Variants in SUN5 observed in about 807,000 individuals in gnomAD.
SUN5 encodes the protein Sad1 and UNC84 domain containing 5.
SUN5 carries 44 observed loss-of-function variants against 53.7 expected under a neutral mutation model. The observed-to-expected ratio is 0.82, with a 90% confidence interval of 0.64 to 1.05. The LOEUF (loss-of-function observed/expected upper bound fraction) is 1.05, where lower values mean the gene tolerates loss of function less well. SUN5 is among the 50% of genes least tolerant of loss of function. SUN5 has a pLI of 0.00. For synonymous variants in SUN5, 166 were observed against 179.8 expected (o/e 0.92, Z 0.62); for missense variants, 433 against 483.8 (o/e 0.90, Z 0.98).
chr20:33,000,272 T>C, intron 4 of SUN5, 137 bp from the exon 5 acceptor site: 1 of 1,074,844 alleles, frequency 9.3e-7, no homozygotes, highest in Non-Finnish European at 1.3e-6. Context: ...AACGTGTCCT[T>C]CAGGATTCAG....
chr20:33,000,240 A>G, intron 4 of SUN5, 105 bp from the exon 5 acceptor site: 4 of 1,348,308 alleles, frequency 3.0e-6, no homozygotes, highest in South Asian at 3.0e-5. Flanking sequence ...TGTTTGCCCT[A>G]TCCCTTCTTC....
chr20:32,985,417 C>T (rs1246706893), intron 11 of SUN5, among the ~76,000 whole-genome samples: 4 of 152,138 alleles, frequency 2.6e-5, no homozygotes, highest in Non-Finnish European at 5.9e-5. Context: ...GGGTGTTTCC[C>T]TGATCCTTCT....
At chr20:32,987,833 C>A in intron 9 of SUN5, 58 bp from the exon 10 acceptor site, 1 of 1,402,626 alleles carries the variant, frequency 7.1e-7, no homozygotes, top group Non-Finnish European at 9.9e-7. Flanking sequence ...GTGGAGGGGA[C>A]GCCACTGATG....
Position 33,001,519 on chromosome 20 carries a change from CTTCTTTCTTTCTTTCT to C in SUN5, c.212-257_212-242del, listed in dbSNP as rs112468655. 7.4e-5 allele frequency among the ~76,000 whole-genome samples: 9 copies of C among 121,320 alleles called. No individual in the cohort carries two copies. In the South Asian group the frequency reaches 7.6e-4, roughly 10 times the overall value. 79.6% of individuals were successfully genotyped at this position (121,320 alleles called of 152,430 possible). A position where few individuals can be genotyped will look rare whatever the true frequency, so the allele number is the denominator to read the frequency against. On this transcript the variant is annotated intron_variant, in intron 3 of 12. Transcript: ENST00000356173. ...CAGTTAACAGACATTTTCTTTCTTT[CTTCTTTCTTTCTTTCT>C]TTCTTTCTTTCTTTCTTTCTTTCTT...
intron 12 of SUN5, 86 bp from the exon 13 acceptor site, chr20:32,984,035 C>T: frequency 1.4e-6 from 2 of 1,432,204 alleles, no homozygotes; most frequent in South Asian, 1.7e-5. Context: ...GGAAGTTTCC[C>T]ATTTCATAGG....
rs1990079734 is a variant in SUN5 at position 33,002,625 on chromosome 20, T to C, written c.173A>G (p.Gln58Arg). 8 of 1,614,088 alleles carry C rather than the reference T, an allele frequency of 5.0e-6. No homozygotes were observed. The East Asian group carries it at 1.8e-4, about 36-fold the overall frequency. ...CATGCACTGAGTCAGGCCTAGGGCT[T>C]GGTCATTGTTGCGGACAGGCAACAG... The part of the protein sequence containing the change: ...NILLPVRNND[Q>R]ALGLTQCMLG... The change falls in exon 3 of 13, where the codon CAA (glutamine) becomes CGA (arginine). Residue 58 changes from glutamine (Q) to arginine (R), a missense_variant. Physicochemically the swap from Gln to Arg is conservative, Grantham distance 43 (BLOSUM62 1). Transcript: ENST00000356173.
chr20:32,991,253 C>T (rs1989704595), intron 8 of SUN5, among the ~76,000 whole-genome samples: 1 of 152,174 alleles, frequency 6.6e-6, no homozygotes, highest in Admixed American at 6.5e-5. Flanking sequence ...CCTGGATCCC[C>T]AGCACGCAGT....
Position 32,985,805 on chromosome 20 carries a change from C to T in SUN5, c.828G>A (p.Leu276=). ...AQKVYLSNLT[L]QHIPKTISLS... is the part of the protein sequence containing the mutation. Reference sequence around the variant, plus strand: ...ATGAGATGGTCTTGGGGATGTGCTGCAGCGTGAGGTTGGACAGGTAAACCT... The same window carrying T: ...ATGAGATGGTCTTGGGGATGTGCTGTAGCGTGAGGTTGGACAGGTAAACCT... Residue 276 remains leucine (L), a synonymous_variant, in exon 11 of 13, where the codon CTG becomes CTA. Coordinates refer to ENST00000356173, the MANE Select transcript of SUN5 (RefSeq NM_080675.4). 1 of 1,614,150 alleles carries T rather than the reference C, an allele frequency of 6.2e-7. No individual in the cohort carries two copies. The highest frequency in any genetic ancestry group is 8.5e-7 in the Non-Finnish European group (1 of 1,179,988).
chr20:33,000,113 G>C lies in SUN5; in HGVS notation c.301C>G (p.Leu101Val). The change falls in exon 5 of 13, where the codon CTC becomes GTC. Residue 101 changes from leucine (L) to valine (V), a missense_variant. Leu to Val is a conservative substitution (Grantham distance 32). Transcript: ENST00000356173. ...TCRCKLLCQK[L>V]MEKTGILLLC... is the part of the protein sequence containing the mutation. Reference sequence around the variant, plus strand: ...AGCAGAATGCCTGTCTTCTCCATGAGCTTCTGGCACAGCAGCTTGCATCTG... The same window carrying C: ...AGCAGAATGCCTGTCTTCTCCATGACCTTCTGGCACAGCAGCTTGCATCTG... 21 of 1,607,264 alleles carry C rather than the reference G, an allele frequency of 1.3e-5. No individual in the cohort carries two copies. Among genetic ancestry groups the C allele is most frequent in the Non-Finnish European group, 1.8e-5 (21 of 1,177,870 alleles).
At chr20:32,987,021 T>C (rs1242958155) in intron 10 of SUN5, among the ~76,000 whole-genome samples, 2 of 152,140 alleles carry the variant, frequency 1.3e-5, no homozygotes, top group African/African-American at 2.4e-5. Context: ...CACGGATGAG[T>C]GGCCTGTGAC....
Position 32,995,757 on chromosome 20 carries a change from G to C in SUN5, c.426-30C>G. 1.9e-6 allele frequency: 3 copies of C among 1,597,218 alleles called. No homozygotes were observed. In the African/African-American group the frequency reaches 4.0e-5, roughly 21 times the overall value. On this transcript the variant is annotated intron_variant, in intron 7 of 12. Coordinates refer to ENST00000356173, the MANE Select transcript of SUN5 (RefSeq NM_080675.4). ...TCAGGAAGGAGTGATAACAAGAACA[G>C]GTTGATTTGTGATGCGTTGTTGTTA...
intron 8 of SUN5, among the ~76,000 whole-genome samples, chr20:32,992,645 T>C (rs1054311194): frequency 3.3e-5 from 5 of 151,934 alleles, no homozygotes; most frequent in African/African-American, 9.7e-5. Flanking sequence ...CCATTGAGAG[T>C]GAAAAGCCAC....
At position 33,004,296 on chromosome 20, in the gene SUN5, G is replaced by C. The variant is rs768675300; in HGVS notation, c.45C>G (p.Leu15=). 1.3e-6 allele frequency: 2 copies of C among 1,579,768 alleles called. No homozygotes were observed. The highest frequency in any genetic ancestry group is 2.3e-5 in the East Asian group (1 of 43,294). ...SRSPGDPGAL[L]EDVAHNPRPR... is the part of the protein sequence containing the mutation. ...GTCTGGGATTGTGGGCCACATCTTC[G>C]AGTAGGGCGCCTGGGTCCCCAGGGC... The change falls in exon 1 of 13, where the codon CTC becomes CTG. Residue 15 remains leucine, a synonymous_variant. Coordinates refer to ENST00000356173, the MANE Select transcript of SUN5 (RefSeq NM_080675.4).
rs923192817 is a variant in SUN5 at position 32,996,367 on chromosome 20, G to C, written c.391-9C>G. ...CCATTTATGCTGTCATCCTGGTGGA[G>C]TATTGAGAAAGTAAGGGGTCTCCTT... On this transcript the variant is annotated splice_polypyrimidine_tract_variant and intron_variant, in intron 6 of 12. Transcript: ENST00000356173. 3.7e-6 allele frequency: 6 copies of C among 1,612,524 alleles called. No individual in the cohort carries two copies. The African/African-American group carries it at 8.0e-5, about 22-fold the overall frequency.
intron 12 of SUN5, 30 bp from the exon 13 acceptor site, chr20:32,983,979 C>A: frequency 6.6e-7 from 1 of 1,512,134 alleles, no homozygotes. Context: ...AGAGGCAGCT[C>A]ACCCATAGAC....
chr20:32,985,830 T>C lies in SUN5; in HGVS notation c.803A>G (p.Lys268Arg), dbSNP rs768834384. The C allele has an allele frequency of 1.4e-5, 22 of 1,614,034 alleles. No individual in the cohort carries two copies. The highest frequency in any genetic ancestry group is 2.7e-5 in the African/African-American group (2 of 74,918). Residue 268 changes from lysine (K) to arginine (R), a missense_variant, in exon 11 of 13, where the codon AAG becomes AGG. Physicochemically the swap from Lys to Arg is conservative, Grantham distance 26. Transcript: ENST00000356173. ...CAGCGTGAGGTTGGACAGGTAAACCTTCTGAGCCAATTGGATGGTCACCTG... is the reference window on the plus strand; with the variant it reads ...CAGCGTGAGGTTGGACAGGTAAACCCTCTGAGCCAATTGGATGGTCACCTG... ...RGQVTIQLAQ[K>R]VYLSNLTLQH...
rs1369585664 is a variant in SUN5 at position 32,985,158 on chromosome 20, C to A, written c.925G>T (p.Val309Leu). 4.3e-6 allele frequency: 7 copies of A among 1,613,918 alleles called. No individual in the cohort carries two copies. The African/African-American group carries it at 5.3e-5, about 12-fold the overall frequency. ...TGAAACTGAAATGCCCCCAGGAACA[C>A]CTCCTCCTTGGGGGAGCCCTCCATG... Reference protein sequence around the residue: ...YGMEGSPKEEVFLGAFQFQPE... With the variant: ...YGMEGSPKEELFLGAFQFQPE... The change falls in exon 12 of 13, where the codon GTG becomes TTG. Residue 309 changes from valine to leucine, a missense_variant. Val to Leu is a conservative substitution (Grantham distance 32). Transcript: ENST00000356173.
chr20:32,986,836 C>G (rs933622949), intron 10 of SUN5, among the ~76,000 whole-genome samples: 3 of 152,202 alleles, frequency 2.0e-5, no homozygotes, highest in Admixed American at 1.3e-4. Flanking sequence ...GTGTGCACCA[C>G]CCCCCACTCC....
chr20:32,992,217 C>T (rs1424756377), intron 8 of SUN5, among the ~76,000 whole-genome samples: 1 of 152,184 alleles, frequency 6.6e-6, no homozygotes, highest in African/African-American at 2.4e-5. Flanking sequence ...GCGTCTCCTC[C>T]TCACATTGTA....
Sources: allele counts gnomAD v4.1 joint callset (sites outside exome capture counted in the v4.1 genomes callset), GRCh38; gene constraint gnomAD v4.1.1; transcripts MANE v1.5; gene names NCBI Gene and HGNC (gene_info 2026-07-23, HGNC 2026-07-21).